Variants in AAK1 observed in about 807,000 individuals in gnomAD.
The protein encoded by AAK1 is AP2-associated protein kinase 1.
Under a neutral mutation model 116.0 loss-of-function variants are expected in AAK1, and 37 were observed. The ratio of observed to expected loss-of-function variants is 0.32; its 90% CI spans 0.25 to 0.42. AAK1 has a LOEUF of 0.42. Ranked by LOEUF, AAK1 falls within the 10% of genes least tolerant of loss-of-function variation. AAK1 has a pLI of 1.00. For synonymous variants in AAK1, 458 were observed against 439.9 expected, an observed-to-expected ratio of 1.04 and a Z score of -0.51; for missense variants, 919 against 1,170.6, an observed-to-expected ratio of 0.79 and a Z score of 3.14.
intron 2 of AAK1, among the ~76,000 whole-genome samples, chr2:69,573,340 C>T (rs1041985883): frequency 6.6e-6 from 1 of 152,136 alleles, no homozygotes; most frequent in African/African-American, 2.4e-5. Flanking sequence ...AGGTGTCACA[C>T]GGTTTAGACA....
intron 2 of AAK1, among the ~76,000 whole-genome samples, chr2:69,610,976 G>A (rs6743598): frequency 0.11 from 17,480 of 152,192 alleles, 2,257 homozygotes; most frequent in African/African-American, 0.3. Context: ...TCCTAAAAAA[G>A]CTGAGCACTG....
chr2:69,627,663 T>C (rs1028624042), intron 2 of AAK1, among the ~76,000 whole-genome samples: 8 of 152,246 alleles, frequency 5.3e-5, no homozygotes, highest in Non-Finnish European at 7.3e-5. Context: ...GGTTTGCAGG[T>C]CAGTGTGAGG....
chr2:69,461,688 TG>T lies in AAK1; in HGVS notation c.*14180del. The T allele has an allele frequency of 2.3e-6, 1 of 428,640 alleles. No homozygotes were observed. The highest frequency in any genetic ancestry group is 1.6e-5 in the South Asian group (1 of 61,686). 26.6% of individuals were successfully genotyped at this position (428,640 alleles called of 1,614,324 possible). A position where few individuals can be genotyped will look rare whatever the true frequency, so the allele number is the denominator to read the frequency against. On this transcript the variant is annotated 3_prime_UTR_variant, in exon 22 of 22. Transcript: ENST00000409085. ...TGGCTCACTGCAAAGTCTGCCTCCC[TG>T]GGTCAAGCAATTCTGCCTCAGCCTC... is the stretch of plus-strand genomic sequence containing the variant.
chr2:69,465,411 C>A lies in AAK1; in HGVS notation c.*10458G>T. 1 of 1,273,468 alleles carries A rather than the reference C, an allele frequency of 7.9e-7. No homozygotes were observed. The highest frequency in any genetic ancestry group is 1.3e-5 in the South Asian group (1 of 78,750). 78.9% of individuals were successfully genotyped at this position (1,273,468 alleles called of 1,614,324 possible). A position where few individuals can be genotyped will look rare whatever the true frequency, so the allele number is the denominator to read the frequency against. On this transcript the variant is annotated 3_prime_UTR_variant, in exon 22 of 22. Transcript: ENST00000409085. ...TGGGATAGAGACAAGAGGCTTGAGGCTCAGGTTTTGCTCCTAGGGTTTCTT... is the reference window on the plus strand; with the variant it reads ...TGGGATAGAGACAAGAGGCTTGAGGATCAGGTTTTGCTCCTAGGGTTTCTT...
chr2:69,517,745 T>C (rs1676642506), intron 12 of AAK1, among the ~76,000 whole-genome samples: 1 of 123,946 alleles, frequency 8.1e-6, no homozygotes. Context: ...GGACAAATAA[T>C]CCAGTTTCTC....
rs553881712 is a variant in AAK1, at chr2:69,610,137, G to A, written c.163+32741C>T. The stretch of plus-strand genomic sequence containing the variant: ...AAAACTACAGTCATCAAAACAGTGT[G>A]GTACTGGCATAAAGACAGATATAGA... On this transcript the variant is annotated intron_variant, in intron 2 of 21. Transcript: ENST00000409085. 1.1e-3 allele frequency among the ~76,000 whole-genome samples: 161 copies of A among 152,020 alleles called. 1 individual carries two copies. Among genetic ancestry groups the A allele is most frequent in the African/African-American group, 3.7e-3 (155 of 41,472 alleles).
rs1421601528 is a variant in AAK1, at chr2:69,459,470, C to T, written c.*16399G>A. 6.6e-6 allele frequency: 1 copy of T among 152,210 alleles called. No individual in the cohort carries two copies. Among genetic ancestry groups the T allele is most frequent in the African/African-American group, 2.4e-5 (1 of 41,380 alleles). 9.4% of individuals were successfully genotyped at this position (152,210 alleles called of 1,614,324 possible). ...GTAGAGACAAGGTTTTGCCATGTTG[C>T]CCAGGTTGGTCTTGAACTCATGAGC... On this transcript the variant is annotated 3_prime_UTR_variant, in exon 22 of 22. Coordinates refer to ENST00000409085, the MANE Select transcript of AAK1 (RefSeq NM_014911.5).
At chr2:69,567,464 T>G (rs1671924842) in intron 2 of AAK1, among the ~76,000 whole-genome samples, 1 of 152,188 alleles carries the variant, frequency 6.6e-6, no homozygotes, top group Admixed American at 6.5e-5. Flanking sequence ...TGATTCACTG[T>G]GGCATCTCTG....
intron 2 of AAK1, among the ~76,000 whole-genome samples, chr2:69,614,857 T>G (rs559666659): frequency 1.5e-3 from 222 of 152,232 alleles, no homozygotes; most frequent in African/African-American, 5.0e-3. Flanking sequence ...ACTGGAGTGA[T>G]GGAGCCACAA....
chr2:69,531,755 T>G, intron 6 of AAK1: 1 of 1,134,942 alleles, frequency 8.8e-7, no homozygotes, highest in East Asian at 5.6e-5. Context: ...TCTCAGCTTT[T>G]TATAGGCTCT....
In AAK1 at chr2:69,468,407, A is replaced by G; in HGVS notation, c.*7462T>C. ...GACAAGAGGGCCCTAAAACTCCTTG[A>G]ACCACCTTCCTCACATAGTATCAGT... On this transcript the variant is annotated 3_prime_UTR_variant, in exon 22 of 22. Coordinates refer to ENST00000409085, the MANE Select transcript of AAK1 (RefSeq NM_014911.5). 3 of 985,470 alleles carry G rather than the reference A, an allele frequency of 3.0e-6. No individual in the cohort carries two copies. Among genetic ancestry groups the G allele is most frequent in the Non-Finnish European group, 3.6e-6 (3 of 829,938 alleles). The allele number at this position is 985,470 out of a possible 1,614,324, so 61.0% of individuals were successfully genotyped here.
chr2:69,513,343 G>A (rs1676461955), intron 13 of AAK1, among the ~76,000 whole-genome samples: 2 of 150,024 alleles, frequency 1.3e-5, no homozygotes, highest in African/African-American at 4.9e-5. Context: ...TTTTTGAGAT[G>A]GAGTCTTGCT....
chr2:69,562,903 A>C (rs1671707142), intron 2 of AAK1, among the ~76,000 whole-genome samples: 1 of 152,036 alleles, frequency 6.6e-6, no homozygotes. Flanking sequence ...AACAAAACAA[A>C]TAAACAGACA....
In AAK1 at chr2:69,559,249, A is replaced by ATCTC. The variant is rs139105045; in HGVS notation, c.164-2275_164-2272dup. 2.7e-3 allele frequency among the ~76,000 whole-genome samples: 374 copies of ATCTC among 139,554 alleles called. 4 individuals are homozygous for ATCTC. The East Asian group carries it at 0.028, about 10-fold the overall frequency. The allele number at this position is 139,554 out of a possible 152,430, so 91.6% of individuals were successfully genotyped here. On this transcript the variant is annotated intron_variant, in intron 2 of 21. Transcript: ENST00000409085. ...GCATTGACACTTAGAGGTCTTATCT[A>ATCTC]TCTCTCTCTCTCTCACACACACACA... is the stretch of plus-strand genomic sequence containing the variant.
At chr2:69,620,713 C>T (rs1674576416) in intron 2 of AAK1, among the ~76,000 whole-genome samples, 4 of 152,188 alleles carry the variant, frequency 2.6e-5, no homozygotes, top group African/African-American at 9.7e-5. Flanking sequence ...TCTCCTCCCA[C>T]CTCGCTGGAC....
intron 2 of AAK1, chr2:69,598,821 C>T (rs1236230531): frequency 1.4e-5 from 3 of 213,428 alleles, no homozygotes; most frequent in South Asian, 6.6e-5. Flanking sequence ...AATGTCCCAC[C>T]CCTTTTCTTT....
rs7420531 is a variant in AAK1 at position 69,468,869 on chromosome 2, G to A, written c.*7000C>T. On this transcript the variant is annotated 3_prime_UTR_variant, in exon 22 of 22. Coordinates refer to ENST00000409085, the MANE Select transcript of AAK1 (RefSeq NM_014911.5). ...TTTGTTAAAAAGTGGGTTTTTGGTC[G>A]AGAACCCATTTGGAAAACCTTCCAA... 0.55 allele frequency: 546,654 copies of A among 985,028 alleles called. 153,390 individuals are homozygous for A. The highest frequency in any genetic ancestry group is 0.79 in the East Asian group (6,943 of 8,816). The allele number at this position is 985,028 out of a possible 1,614,324, so 61.0% of individuals were successfully genotyped here.
Position 69,542,640 on chromosome 2 carries a change from G to T in AAK1, c.417C>A (p.Asn139Lys). The T allele has an allele frequency of 6.2e-7, 1 of 1,613,848 alleles. No homozygotes were observed. The highest frequency in any genetic ancestry group is 8.5e-7 in the Non-Finnish European group (1 of 1,179,856). The stretch of plus-strand genomic sequence containing the variant: ...CTGTAAAGCCTGTTTGCAGGCGCTG[G>T]TTCATCAGGTTTACCACCTGGCCAC... ...CRGGQVVNLMNQRLQTGFTEN... is the reference protein window; with the variant it reads ...CRGGQVVNLMKQRLQTGFTEN... The change falls in exon 5 of 22, where the codon AAC becomes AAA. Residue 139 changes from asparagine (N) to lysine (K), a missense_variant. Asn to Lys is a moderately conservative substitution (Grantham distance 94). This residue lies in a region of AAK1 where 317 missense variants were observed against 490.4 expected (regional missense o/e 0.65). Coordinates refer to ENST00000409085, the MANE Select transcript of AAK1 (RefSeq NM_014911.5).
At chr2:69,484,710 A>G (rs1051947859) in intron 17 of AAK1, among the ~76,000 whole-genome samples, 7 of 152,000 alleles carry the variant, frequency 4.6e-5, no homozygotes, top group Non-Finnish European at 1.0e-4. Flanking sequence ...CCCCGCCTCT[A>G]CTAAAAATAC....
Sources: allele counts gnomAD v4.1 joint callset (sites outside exome capture counted in the v4.1 genomes callset), GRCh38; gene constraint gnomAD v4.1.1; regional missense constraint gnomAD v4.1.1; transcripts MANE v1.5; gene names NCBI Gene and HGNC (gene_info 2026-07-23, HGNC 2026-07-21).